The following LRPAP1 variants were observed in gnomAD, a reference collection of about 807,000 sequenced individuals.
The protein encoded by LRPAP1 is LDL receptor related protein associated protein 1.
A neutral mutation model predicts 39.9 loss-of-function variants in LRPAP1; 41 were observed. The ratio of observed to expected loss-of-function variants is 1.03; its 90% CI spans 0.80 to 1.33. The LOEUF is 1.33. LRPAP1 is among the 40% of genes most tolerant of loss of function. The pLI, the probability that LRPAP1 is intolerant of heterozygous loss-of-function variation, is 0.00. For synonymous variants in LRPAP1, 263 were observed against 212.7 expected (o/e 1.24, Z -2.06); for missense variants, 565 against 482.3 (o/e 1.17, Z -1.61).
chr4:3,529,870 G>A (rs1409160763), intron 1 of LRPAP1, among the ~76,000 whole-genome samples: 2 of 152,188 alleles, frequency 1.3e-5, no homozygotes, highest in Admixed American at 6.5e-5. Flanking sequence ...GCAGAAAACA[G>A]GGACACGATG....
At chr4:3,526,981 A>T (rs542460727) in intron 1 of LRPAP1, among the ~76,000 whole-genome samples, 3 of 152,334 alleles carry the variant, frequency 2.0e-5, no homozygotes, top group African/African-American at 7.2e-5. Flanking sequence ...AAAAGATAGC[A>T]AACGGTAGGC....
At chr4:3,519,071 T>C in intron 3 of LRPAP1, 80 bp from the exon 4 acceptor site, 5 of 1,569,470 alleles carry the variant, frequency 3.2e-6, no homozygotes, top group Non-Finnish European at 4.3e-6. Flanking sequence ...CCACTCCTCA[T>C]GGCCAGGCAG....
At chr4:3,529,587 C>T (rs1439455391) in intron 1 of LRPAP1, among the ~76,000 whole-genome samples, 1 of 152,210 alleles carries the variant, frequency 6.6e-6, no homozygotes, top group Non-Finnish European at 1.5e-5. Context: ...AGCCTCTGCT[C>T]AGGAGTCTTG....
rs746428243 is a variant in LRPAP1, at chr4:3,513,059, AG to A, written c.1012-24del. The stretch of plus-strand genomic sequence containing the variant: ...CACCTGTGGACAGAAACGTCTCATC[AG>A]CTGGGGACAGCGCGCCTCGAGGCCA... On this transcript the variant is annotated intron_variant, in intron 7 of 7. Transcript: ENST00000650182. 3 of 1,595,368 alleles carry A rather than the reference AG, an allele frequency of 1.9e-6. No homozygotes were observed. In the African/African-American group the frequency reaches 4.0e-5, roughly 21 times the overall value.
rs993712074 is a variant in LRPAP1, at chr4:3,505,437, T to C, written c.*7537A>G. 6.6e-6 allele frequency among the ~76,000 whole-genome samples: 1 copy of C among 152,212 alleles called. No homozygotes were observed. The highest frequency in any genetic ancestry group is 1.5e-5 in the Non-Finnish European group (1 of 68,036). On this transcript the variant is annotated 3_prime_UTR_variant, in exon 8 of 8. Coordinates refer to ENST00000650182, the MANE Select transcript of LRPAP1 (RefSeq NM_002337.4). ...CACCACTGAGAGGAGTAAGGTGTAC[T>C]TCCTTGTCAAGCATGACTCCGAGCG...
chr4:3,517,295 C>T (rs116002367), intron 5 of LRPAP1, among the ~76,000 whole-genome samples: 177 of 152,364 alleles, frequency 1.2e-3, no homozygotes, highest in African/African-American at 3.8e-3. Flanking sequence ...ATCCTGGAGA[C>T]GAGGCGGTGG....
At chr4:3,523,686 AG>A (rs1729989527) in intron 2 of LRPAP1, among the ~76,000 whole-genome samples, 1 of 152,160 alleles carries the variant, frequency 6.6e-6, no homozygotes, top group Non-Finnish European at 1.5e-5. Flanking sequence ...GGCCTAACGA[AG>A]GAACTCCGTA....
Position 3,513,042 on chromosome 4 carries a change from G to A in LRPAP1, c.1012-6C>T, listed in dbSNP as rs373188200. 12 of 1,610,800 alleles carry A rather than the reference G, an allele frequency of 7.4e-6. No homozygotes were observed. The highest frequency in any genetic ancestry group is 5.0e-5 in the Admixed American group (3 of 59,694). On this transcript the variant is annotated splice_polypyrimidine_tract_variant and splice_region_variant and intron_variant, in intron 7 of 7. Transcript: ENST00000650182. ...TCCTGCAGATGCTTCTTCACCTGTG[G>A]ACAGAAACGTCTCATCAGCTGGGGA...
intron 2 of LRPAP1, among the ~76,000 whole-genome samples, chr4:3,521,123 C>T (rs1180408334): frequency 2.0e-5 from 3 of 152,190 alleles, no homozygotes; most frequent in East Asian, 1.9e-4. Flanking sequence ...CCCTGGAATC[C>T]GGGGCCCATG....
At chr4:3,513,716 CTCACA>C (rs1729606628) in intron 7 of LRPAP1, among the ~76,000 whole-genome samples, 1 of 152,216 alleles carries the variant, frequency 6.6e-6, no homozygotes, top group African/African-American at 2.4e-5. Flanking sequence ...CCTCCAGCTC[CTCACA>C]TCACAACAGC....
rs1351475508 is a variant in LRPAP1, at chr4:3,504,475, C to CA, written c.*8498dup. On this transcript the variant is annotated 3_prime_UTR_variant, in exon 8 of 8. Coordinates refer to ENST00000650182, the MANE Select transcript of LRPAP1 (RefSeq NM_002337.4). ...CTAAAAACAGAAAAATTAGGCCAGG[C>CA]ATGGTGGCTCATGCCTACAATCCCA... The CA allele has an allele frequency of 6.6e-6, 1 of 152,012 alleles. No homozygotes were observed. Among genetic ancestry groups the CA allele is most frequent in the East Asian group, 1.9e-4 (1 of 5,184 alleles). 9.4% of individuals were successfully genotyped at this position (152,012 alleles called of 1,614,324 possible).
chr4:3,519,053 T>C (rs1387252598), intron 3 of LRPAP1, 62 bp from the exon 4 acceptor site: 2 of 1,585,286 alleles, frequency 1.3e-6, no homozygotes, highest in Admixed American at 1.7e-5. Context: ...GGGCCGCTCT[T>C]CAGCCAACCA....
intron 2 of LRPAP1, among the ~76,000 whole-genome samples, chr4:3,521,724 C>A (rs764630811): frequency 6.6e-6 from 1 of 152,228 alleles, no homozygotes; most frequent in Non-Finnish European, 1.5e-5. Context: ...TGAGGAAAGC[C>A]GTCTCTCCTG....
chr4:3,524,882 T>A (rs771326374), intron 2 of LRPAP1, 25 bp downstream of exon 2: 1 of 1,609,426 alleles, frequency 6.2e-7, no homozygotes, highest in Non-Finnish European at 8.5e-7. Flanking sequence ...ATACTCGACC[T>A]GCATTAGGAA....
intron 2 of LRPAP1, 142 bp from the exon 3 acceptor site, chr4:3,520,335 C>A (rs1729873705): frequency 1.3e-6 from 1 of 793,664 alleles, no homozygotes; most frequent in Non-Finnish European, 2.0e-6. Context: ...CCTGGATGAC[C>A]ACTGGAGATC....
intron 1 of LRPAP1, among the ~76,000 whole-genome samples, chr4:3,530,233 C>T (rs1168023732): frequency 2.6e-5 from 4 of 152,282 alleles, no homozygotes; most frequent in Non-Finnish European, 4.4e-5. Context: ...TGCACTACCG[C>T]CACTGAGAAC....
rs2108684104 is a variant in LRPAP1, at chr4:3,507,749, A to G, written c.*5225T>C. On this transcript the variant is annotated 3_prime_UTR_variant, in exon 8 of 8. Coordinates refer to ENST00000650182, the MANE Select transcript of LRPAP1 (RefSeq NM_002337.4). ...AAGAGCAAAAGTCAATGAAAAAGAA[A>G]ACAATAGAAAAAAAAAATCAATGGA... 6.9e-6 allele frequency: 1 copy of G among 145,572 alleles called. No homozygotes were observed. Among genetic ancestry groups the G allele is most frequent in the South Asian group, 2.2e-4 (1 of 4,530 alleles). The allele number at this position is 145,572 out of a possible 1,614,324, so 9.0% of individuals were successfully genotyped here. A position where few individuals can be genotyped will look rare whatever the true frequency, so the allele number is the denominator to read the frequency against.
At position 3,504,789 on chromosome 4, in the gene LRPAP1, A is replaced by C. The variant is rs368893230; in HGVS notation, c.*8185T>G. 1.3e-5 allele frequency among the ~76,000 whole-genome samples: 2 copies of C among 150,802 alleles called. No individual in the cohort carries two copies. The highest frequency in any genetic ancestry group is 6.6e-5 in the Admixed American group (1 of 15,162). On this transcript the variant is annotated 3_prime_UTR_variant, in exon 8 of 8. Transcript: ENST00000650182. ...ACCAAAAAACAAAACACACACACAC[A>C]CAGAAAAATTAGCTGGGTATGGTGG...
intron 7 of LRPAP1, among the ~76,000 whole-genome samples, 176 bp downstream of exon 7, chr4:3,514,576 G>A (rs1022785422): frequency 6.6e-5 from 10 of 152,262 alleles, no homozygotes; most frequent in African/African-American, 2.2e-4. Context: ...CCCCTAGCAT[G>A]GCTGCTGTGG....
Sources: gnomAD v4.1 joint callset for allele counts (sites outside exome capture counted in the v4.1 genomes callset) on GRCh38, gnomAD v4.1.1 for gene constraint, MANE v1.5 for transcripts, NCBI Gene and HGNC (gene_info 2026-07-23, HGNC 2026-07-21) for gene names.